Variants in CNGB3 observed in about 807,000 individuals in gnomAD.
CNGB3 encodes the protein cyclic nucleotide-gated channel beta-3.
Under a neutral mutation model 92.8 loss-of-function variants are expected in CNGB3, and 86 were observed. The observed-to-expected ratio is 0.93, with a 90% confidence interval of 0.78 to 1.11. The LOEUF (loss-of-function observed/expected upper bound fraction) is 1.11. Ranked by LOEUF, CNGB3 falls within the 50% of genes least tolerant of loss-of-function variation. The pLI, the probability that CNGB3 is intolerant of heterozygous loss-of-function variation, is 0.00. For synonymous variants in CNGB3, 333 were observed against 332.7 expected, an observed-to-expected ratio of 1.00 and a Z score of -0.01; for missense variants, 1,026 against 956.8, an observed-to-expected ratio of 1.07 and a Z score of -0.95.
intron 6 of CNGB3, among the ~76,000 whole-genome samples, chr8:86,665,275 G>A (rs958970369): frequency 3.3e-5 from 5 of 152,136 alleles, no homozygotes; most frequent in African/African-American, 1.2e-4. Context: ...AGCTGATGCT[G>A]GCAAAGGCTG....
chr8:86,654,109 TA>T (rs1401308581), intron 6 of CNGB3, 47 bp from the exon 7 acceptor site: 13 of 1,248,830 alleles, frequency 1.0e-5, no homozygotes, highest in African/African-American at 5.9e-5. Flanking sequence ...TTTCATCAAT[TA>T]TTTTTTTCTC....
intron 7 of CNGB3, among the ~76,000 whole-genome samples, chr8:86,648,280 T>C (rs924747298): frequency 6.6e-6 from 1 of 151,204 alleles, no homozygotes; most frequent in Non-Finnish European, 1.5e-5. Context: ...CATTGTACTT[T>C]CATTGTAGTG....
chr8:86,729,722 G>T (rs529612806), intron 2 of CNGB3, among the ~76,000 whole-genome samples: 4 of 152,310 alleles, frequency 2.6e-5, no homozygotes, highest in African/African-American at 9.6e-5. Context: ...CATGTTATTT[G>T]TTTGTGGAAA....
Position 86,628,960 on chromosome 8 carries a change from C to T in CNGB3, c.1439G>A (p.Arg480Gln), listed in dbSNP as rs77277189. 4.2e-4 allele frequency: 681 copies of T among 1,613,820 alleles called. 2 individuals carry two copies. In the African/African-American group the frequency reaches 7.4e-3, roughly 18 times the overall value. The part of the protein sequence containing the change: ...SIPKLVQKRV[R>Q]TWYEYTWDSQ... ...GTCCCATGTATATTCATACCAAGTC[C>T]GAACTCGCTTTTGCACAAGTTTAGG... Residue 480 changes from arginine to glutamine, a missense_variant, in exon 12 of 18, where the codon CGG (arginine) becomes CAG (glutamine). Transcript: ENST00000320005.
In CNGB3 at chr8:86,658,761, A is replaced by T. The variant is rs149397497; in HGVS notation, c.853-4699T>A. 1.2e-5 allele frequency: 6 copies of T among 511,036 alleles called. No individual in the cohort carries two copies. The East Asian group carries it at 2.4e-4, about 20-fold the overall frequency. The allele number at this position is 511,036 out of a possible 1,614,324, so 31.7% of individuals were successfully genotyped here. ...CTCCATGTTCTCATTGTTCAGCTTCATGAAGCCAGTCTGCAACTTGGCCAG... is the reference window on the plus strand; with the variant it reads ...CTCCATGTTCTCATTGTTCAGCTTCTTGAAGCCAGTCTGCAACTTGGCCAG... On this transcript the variant is annotated intron_variant, in intron 6 of 17. Coordinates refer to ENST00000320005, the MANE Select transcript of CNGB3 (RefSeq NM_019098.5).
At chr8:86,629,532 C>G (rs960384928) in intron 11 of CNGB3, among the ~76,000 whole-genome samples, 1 of 152,142 alleles carries the variant, frequency 6.6e-6, no homozygotes, top group Non-Finnish European at 1.5e-5. Context: ...AATGGCTAGT[C>G]CATTTTGGTG....
intron 6 of CNGB3, 129 bp downstream of exon 6, chr8:86,666,796 C>T: frequency 1.3e-6 from 1 of 778,616 alleles, no homozygotes. Context: ...GTTATTATTG[C>T]TCATGACTTC....
At chr8:86,631,151 G>A (rs948289920) in intron 11 of CNGB3, among the ~76,000 whole-genome samples, 4 of 152,128 alleles carry the variant, frequency 2.6e-5, no homozygotes, top group Non-Finnish European at 5.9e-5. Flanking sequence ...GTGGTGTGGT[G>A]TATAAAACAG....
At chr8:86,582,650 C>G (rs1821811635) in intron 15 of CNGB3, among the ~76,000 whole-genome samples, 1 of 151,988 alleles carries the variant, frequency 6.6e-6, no homozygotes, top group South Asian at 2.1e-4. Flanking sequence ...AAATTAGAAG[C>G]CACACAAGAA....
At chr8:86,620,517 C>G (rs1049653213) in intron 13 of CNGB3, among the ~76,000 whole-genome samples, 9 of 152,150 alleles carry the variant, frequency 5.9e-5, no homozygotes, top group Non-Finnish European at 1.2e-4. Context: ...ACCCATCCTC[C>G]TAGCCTCATT....
intron 3 of CNGB3, among the ~76,000 whole-genome samples, chr8:86,706,884 C>T (rs895486090): frequency 5.3e-5 from 8 of 152,180 alleles, no homozygotes; most frequent in African/African-American, 1.9e-4. Flanking sequence ...TGTTCTTGAC[C>T]TCAAATAGCT....
At chr8:86,689,244 G>A (rs1404065809) in intron 3 of CNGB3, among the ~76,000 whole-genome samples, 2 of 151,430 alleles carry the variant, frequency 1.3e-5, no homozygotes, top group African/African-American at 4.8e-5. Flanking sequence ...AGAAGAATTT[G>A]TGCTCTGTAG....
At chr8:86,710,105 C>T (rs1824723579) in intron 3 of CNGB3, among the ~76,000 whole-genome samples, 2 of 152,124 alleles carry the variant, frequency 1.3e-5, no homozygotes, top group Admixed American at 1.3e-4. Flanking sequence ...AGGAAGGAGA[C>T]AGTATGGGGG....
chr8:86,720,449 A>G (rs1259397305), intron 3 of CNGB3, among the ~76,000 whole-genome samples: 1 of 152,240 alleles, frequency 6.6e-6, no homozygotes, highest in Non-Finnish European at 1.5e-5. Flanking sequence ...CCACAATGCA[A>G]TACCACCTCA....
At chr8:86,681,133 C>T (rs756945902) in intron 3 of CNGB3, among the ~76,000 whole-genome samples, 37 of 151,988 alleles carry the variant, frequency 2.4e-4, no homozygotes, top group Non-Finnish European at 4.0e-4. Flanking sequence ...AATTTAAAAA[C>T]CCCAGTATCT....
At chr8:86,657,960 G>T (rs899842831) in intron 6 of CNGB3, 2 of 553,102 alleles carry the variant, frequency 3.6e-6, no homozygotes, top group African/African-American at 1.9e-5. Context: ...CACTGATGAC[G>T]TCTGTCTCTC....
intron 14 of CNGB3, among the ~76,000 whole-genome samples, chr8:86,605,255 C>T (rs1398957102): frequency 2.0e-5 from 3 of 152,144 alleles, no homozygotes; most frequent in African/African-American, 7.2e-5. Flanking sequence ...AATCACCAAA[C>T]TAGTGGGTGG....
chr8:86,723,816 T>TG (rs1027979430), intron 3 of CNGB3, among the ~76,000 whole-genome samples: 1 of 152,188 alleles, frequency 6.6e-6, no homozygotes, highest in African/African-American at 2.4e-5. Flanking sequence ...CAAACCACTT[T>TG]GCTATCTATG....
intron 3 of CNGB3, among the ~76,000 whole-genome samples, chr8:86,688,499 G>A (rs1036658160): frequency 9.2e-5 from 14 of 151,994 alleles, no homozygotes; most frequent in African/African-American, 3.4e-4. Flanking sequence ...AAGACGCCAA[G>A]TAGGAAACAG....
Sources: gnomAD v4.1 joint callset for allele counts (sites outside exome capture counted in the v4.1 genomes callset) on GRCh38, gnomAD v4.1.1 for gene constraint, MANE v1.5 for transcripts, NCBI Gene and HGNC (gene_info 2026-07-23, HGNC 2026-07-21) for gene names.